Variants in EEF2K observed in about 807,000 individuals in gnomAD.
The protein encoded by EEF2K is eukaryotic elongation factor 2 kinase, also known as alternative protein EEF2K.
Under a neutral mutation model 93.8 loss-of-function variants are expected in EEF2K, and 70 were observed. The observed-to-expected ratio is 0.75, with a 90% CI of 0.62 to 0.91. EEF2K has a LOEUF of 0.91. Ranked by LOEUF, EEF2K falls within the 40% of genes least tolerant of loss-of-function variation. The pLI is 0.00. For synonymous variants in EEF2K, 376 were observed against 380.8 expected, an observed-to-expected ratio of 0.99 and a Z score of 0.15; for missense variants, 935 against 972.9, an observed-to-expected ratio of 0.96 and a Z score of 0.52.
intron 6 of EEF2K, among the ~76,000 whole-genome samples, chr16:22,251,720 TG>T: frequency 6.6e-6 from 1 of 152,122 alleles, no homozygotes; most frequent in East Asian, 1.9e-4. Flanking sequence ...CCACCATACC[TG>T]GCCTCTTTCA....
intron 1 of EEF2K, among the ~76,000 whole-genome samples, chr16:22,212,672 G>A (rs1421160045): frequency 1.3e-5 from 2 of 152,092 alleles, no homozygotes; most frequent in Non-Finnish European, 2.9e-5. Flanking sequence ...AGGAAAAGGG[G>A]AAGAGAGGGT....
chr16:22,249,853 C>G (rs1219512138), intron 4 of EEF2K, among the ~76,000 whole-genome samples: 2 of 151,396 alleles, frequency 1.3e-5, no homozygotes, highest in African/African-American at 4.9e-5. Context: ...GCGATCTTGG[C>G]TCATCGCAAC....
At position 22,280,702 on chromosome 16, in the gene EEF2K, T is replaced by C. The variant is rs573583527; in HGVS notation, c.2068+326T>C. On this transcript the variant is annotated intron_variant, in intron 17 of 17. Coordinates refer to ENST00000263026, the MANE Select transcript of EEF2K (RefSeq NM_013302.5). ...TTTTTTGAGACGGAGTCTCGCTCTA[T>C]AGCCCAGACTGGAGTGCAACGGCAT... Among the ~76,000 whole-genome samples, 57 of 148,968 alleles carry C rather than the reference T, an allele frequency of 3.8e-4. 1 individual carries two copies. The South Asian group carries it at 0.012, about 32-fold the overall frequency.
chr16:22,266,686 A>G lies in EEF2K; in HGVS notation c.1576-2A>G. On this transcript the variant is annotated splice_acceptor_variant, in intron 14 of 17. Transcript: ENST00000263026. LOFTEE classifies it high-confidence loss of function. The stretch of plus-strand genomic sequence containing the variant: ...AGGCCGACACCGTAGTCTGTGTGGC[A>G]GGTCCATCTGGCCATGGTGCGCTAC... 1.2e-6 allele frequency: 2 copies of G among 1,606,104 alleles called. No homozygotes were observed. Among genetic ancestry groups the G allele is most frequent in the Non-Finnish European group, 1.7e-6 (2 of 1,175,540 alleles).
Position 22,257,774 on chromosome 16 carries a change from G to C in EEF2K, c.1029+4G>C, listed in dbSNP as rs767168592. On this transcript the variant is annotated splice_donor_region_variant and intron_variant, in intron 9 of 17. Transcript: ENST00000263026. ...GAATCAGAACACCAAGCTGCTGGTG[G>C]GTGCCCAGTGTGACCCTGCTTGGCC... 6.2e-7 allele frequency: 1 copy of C among 1,613,176 alleles called. No individual in the cohort carries two copies. Among genetic ancestry groups the C allele is most frequent in the Non-Finnish European group, 8.5e-7 (1 of 1,179,792 alleles).
At chr16:22,274,546 G>A (rs1163611215) in intron 16 of EEF2K, among the ~76,000 whole-genome samples, 1 of 152,004 alleles carries the variant, frequency 6.6e-6, no homozygotes, top group Non-Finnish European at 1.5e-5. Context: ...AGACTATGCA[G>A]CATCCAGGTG....
rs1258627887 is a variant in EEF2K at position 22,286,626 on chromosome 16, T to G, written c.*2630T>G. ...GCTGGTGTTCCAATAAAACTTTATT[T>G]ACACAAACGGGTGGCCCTTTTGGGC... is the stretch of plus-strand genomic sequence containing the variant. On this transcript the variant is annotated 3_prime_UTR_variant, in exon 18 of 18. Transcript: ENST00000263026. 1 of 152,246 alleles carries G rather than the reference T, an allele frequency of 6.6e-6. No homozygotes were observed. Among genetic ancestry groups the G allele is most frequent in the Non-Finnish European group, 1.5e-5 (1 of 68,050 alleles). 9.4% of individuals were successfully genotyped at this position (152,246 alleles called of 1,614,324 possible).
At chr16:22,274,243 C>T (rs1356421928) in intron 16 of EEF2K, among the ~76,000 whole-genome samples, 1 of 152,040 alleles carries the variant, frequency 6.6e-6, no homozygotes, top group Non-Finnish European at 1.5e-5. Flanking sequence ...GAGTTCAAGA[C>T]CAGCCTGACC....
intron 16 of EEF2K, among the ~76,000 whole-genome samples, chr16:22,275,653 A>G (rs2047627209): frequency 1.4e-5 from 2 of 147,408 alleles, no homozygotes; most frequent in South Asian, 2.2e-4. Flanking sequence ...TTTTTATTTT[A>G]TTTTTGAGAC....
intron 2 of EEF2K, among the ~76,000 whole-genome samples, chr16:22,239,833 C>A (rs1250886294): frequency 2.6e-5 from 4 of 151,570 alleles, no homozygotes; most frequent in African/African-American, 9.7e-5. Flanking sequence ...AGTACAGGGG[C>A]CAGGCTCATG....
In EEF2K at chr16:22,284,674, C is replaced by A. The variant is rs537457988; in HGVS notation, c.*678C>A. ...TTGCCTTGAATGGACAATTTTAGGG[C>A]TGTGCTCACTAGTCTTTTCAGGCTG... On this transcript the variant is annotated 3_prime_UTR_variant, in exon 18 of 18. Coordinates refer to ENST00000263026, the MANE Select transcript of EEF2K (RefSeq NM_013302.5). 6.6e-6 allele frequency: 1 copy of A among 151,410 alleles called. No individual in the cohort carries two copies. The highest frequency in any genetic ancestry group is 1.9e-4 in the East Asian group (1 of 5,168). 9.4% of individuals were successfully genotyped at this position (151,410 alleles called of 1,614,324 possible).
intron 11 of EEF2K, 46 bp downstream of exon 11, chr16:22,260,575 G>T (rs1458246282): frequency 5.0e-6 from 8 of 1,611,626 alleles, no homozygotes; most frequent in African/African-American, 4.0e-5. Context: ...CCCCAGCAGG[G>T]GTAGGAGTGG....
At chr16:22,260,355 A>G in intron 10 of EEF2K, 107 bp from the exon 11 acceptor site, 1 of 1,117,132 alleles carries the variant, frequency 9.0e-7, no homozygotes, top group Non-Finnish European at 1.3e-6. Context: ...AAGCTTAAAA[A>G]AAAAAAAAGG....
chr16:22,209,727 G>A (rs558876720), intron 1 of EEF2K, among the ~76,000 whole-genome samples: 1 of 152,320 alleles, frequency 6.6e-6, no homozygotes, highest in Admixed American at 6.5e-5. Context: ...AAAGCGGCTT[G>A]GGCCTTAAAG....
intron 15 of EEF2K, among the ~76,000 whole-genome samples, chr16:22,270,654 T>C (rs2047570067): frequency 6.6e-6 from 1 of 152,146 alleles, no homozygotes; most frequent in Non-Finnish European, 1.5e-5. Flanking sequence ...TCTTTTGATA[T>C]CACAAAAATT....
At chr16:22,251,358 A>G (rs1388191061) in intron 6 of EEF2K, 36 bp downstream of exon 6, 1 of 1,609,284 alleles carries the variant, frequency 6.2e-7, no homozygotes, top group African/African-American at 1.3e-5. Flanking sequence ...TTTCCATGCC[A>G]GGGCAGCTGG....
At chr16:22,272,698 G>C (rs1006806584) in intron 15 of EEF2K, among the ~76,000 whole-genome samples, 3 of 148,930 alleles carry the variant, frequency 2.0e-5, no homozygotes, top group African/African-American at 7.4e-5. Flanking sequence ...CGGTGTCTCT[G>C]TCACCCAGGT....
At chr16:22,268,203 GA>G (rs1198608417) in intron 15 of EEF2K, among the ~76,000 whole-genome samples, 3 of 152,026 alleles carry the variant, frequency 2.0e-5, no homozygotes, top group Non-Finnish European at 4.4e-5. Flanking sequence ...TTTTGAGACA[GA>G]GTCTCGCTTT....
chr16:22,266,950 C>T, intron 15 of EEF2K, 74 bp downstream of exon 15: 9 of 1,506,336 alleles, frequency 6.0e-6, no homozygotes, highest in Non-Finnish European at 8.0e-6. Context: ...TGCCTCCCAT[C>T]CTGGAAGTCA....
Sources: gnomAD v4.1 joint callset for allele counts (sites outside exome capture counted in the v4.1 genomes callset) on GRCh38, gnomAD v4.1.1 for gene constraint, MANE v1.5 for transcripts, NCBI Gene and HGNC (gene_info 2026-07-23, HGNC 2026-07-21) for gene names.